The following ZC3H7A variants were observed in gnomAD, a reference collection of about 807,000 sequenced individuals.
ZC3H7A encodes zinc finger CCCH-type containing 7A.
Under a neutral mutation model 125.5 loss-of-function variants are expected in ZC3H7A, and 44 were observed. The observed-to-expected ratio is 0.35, with a 90% CI of 0.28 to 0.45. The LOEUF is 0.45. ZC3H7A is among the 20% of genes least tolerant of loss of function. ZC3H7A has a pLI of 1.00. For missense variants in ZC3H7A, 977 were observed against 1,170.7 expected (o/e 0.83, Z 2.41); for synonymous variants, 399 against 391.2 (o/e 1.02, Z -0.23).
At chr16:11,771,282 G>A (rs1340795518) in intron 9 of ZC3H7A, among the ~76,000 whole-genome samples, 1 of 151,908 alleles carries the variant, frequency 6.6e-6, no homozygotes, top group African/African-American at 2.4e-5. Flanking sequence ...CAGCTACTCA[G>A]GAGGCTGAGG....
chr16:11,790,349 C>T (rs954730544), intron 1 of ZC3H7A, among the ~76,000 whole-genome samples: 9 of 152,210 alleles, frequency 5.9e-5, no homozygotes, highest in African/African-American at 1.9e-4. Context: ...ATCATCTGTA[C>T]TTCCTTGTCT....
intron 19 of ZC3H7A, among the ~76,000 whole-genome samples, chr16:11,760,538 T>C (rs932771995): frequency 2.6e-5 from 4 of 152,182 alleles, no homozygotes; most frequent in Non-Finnish European, 4.4e-5. Flanking sequence ...TACATCTACC[T>C]CTTCTTCAAC....
In ZC3H7A at chr16:11,765,203, T is replaced by C. The variant is rs2052833972; in HGVS notation, c.1720-50A>G. Reference sequence around the variant, plus strand: ...CAAAAAAAATACAAAATATAAATTTTGTACCCAGAATATTGTCCTAGTTTC... The same window carrying C: ...CAAAAAAAATACAAAATATAAATTTCGTACCCAGAATATTGTCCTAGTTTC... On this transcript the variant is annotated intron_variant, in intron 14 of 22. Transcript: ENST00000355758. The surrounding 1 kb of genome is among the most constrained non-coding windows in gnomAD (Gnocchi z 4.8). 2 of 1,204,054 alleles carry C rather than the reference T, an allele frequency of 1.7e-6. No homozygotes were observed. Among genetic ancestry groups the C allele is most frequent in the South Asian group, 3.0e-5 (2 of 66,924 alleles). 74.6% of individuals were successfully genotyped at this position (1,204,054 alleles called of 1,614,324 possible).
intron 13 of ZC3H7A, among the ~76,000 whole-genome samples, chr16:11,766,281 T>C (rs2052855988): frequency 6.6e-6 from 1 of 152,194 alleles, no homozygotes; most frequent in African/African-American, 2.4e-5. Context: ...AATCTGGTCA[T>C]AGGCCAAGCG....
At chr16:11,779,065 A>G in intron 4 of ZC3H7A, 101 bp downstream of exon 4, 1 of 1,044,968 alleles carries the variant, frequency 9.6e-7, no homozygotes, top group Non-Finnish European at 1.4e-6. Flanking sequence ...AGGTAATATG[A>G]CTTTCTTAAA....
chr16:11,763,252 C>T (rs997250558), intron 16 of ZC3H7A: 5 of 336,112 alleles, frequency 1.5e-5, no homozygotes, highest in African/African-American at 6.4e-5. Context: ...GTATTACAGG[C>T]GCCCACCACC....
At chr16:11,754,870 C>T (rs1213204599) in intron 21 of ZC3H7A, among the ~76,000 whole-genome samples, 4 of 125,058 alleles carry the variant, frequency 3.2e-5, no homozygotes, top group African/African-American at 6.2e-5. Flanking sequence ...CGTGCCTGGG[C>T]GACAGAGCGA....
In ZC3H7A at chr16:11,758,463, C is replaced by G; in HGVS notation, c.2396G>C (p.Arg799Thr). ...NCSFAHSPEE[R>T]EVWTYMKENG... ...CTCCTTCATGTAAGTCCAAACTTCT[C>G]TTTCCTCAGGACTATGAGCAAAGGA... The change falls in exon 20 of 23, where the codon AGA becomes ACA. Residue 799 changes from arginine (R) to threonine (T), a missense_variant. Physicochemically the swap from Arg to Thr is moderately conservative, Grantham distance 71 (BLOSUM62 -1). This residue lies in a region of ZC3H7A where 436 missense variants were observed against 603.2 expected (regional missense o/e 0.72). Transcript: ENST00000355758. 1 of 1,613,878 alleles carries G rather than the reference C, an allele frequency of 6.2e-7. No homozygotes were observed. The highest frequency in any genetic ancestry group is 8.5e-7 in the Non-Finnish European group (1 of 1,179,772).
In ZC3H7A at chr16:11,751,081, C is replaced by G; in HGVS notation, c.*236G>C. Reference sequence around the variant, plus strand: ...AACACACTTCATCCAAAAGTCTGTTCAACAGATGGCAACCGGGTAGCAGTC... The same window carrying G: ...AACACACTTCATCCAAAAGTCTGTTGAACAGATGGCAACCGGGTAGCAGTC... On this transcript the variant is annotated 3_prime_UTR_variant, in exon 23 of 23. Coordinates refer to ENST00000355758, the MANE Select transcript of ZC3H7A (RefSeq NM_014153.4). 1 of 419,302 alleles carries G rather than the reference C, an allele frequency of 2.4e-6. No individual in the cohort carries two copies. Among genetic ancestry groups the G allele is most frequent in the South Asian group, 3.4e-5 (1 of 29,296 alleles). The allele number at this position is 419,302 out of a possible 1,614,324, so 26.0% of individuals were successfully genotyped here.
intron 22 of ZC3H7A, 73 bp downstream of exon 22, chr16:11,752,596 G>A: frequency 5.9e-6 from 9 of 1,535,274 alleles, no homozygotes; most frequent in South Asian, 2.5e-5. Flanking sequence ...CAGGTATTCC[G>A]TGTCAGCTGA....
chr16:11,776,359 C>G lies in ZC3H7A; in HGVS notation c.547-1G>C. 6.2e-7 allele frequency: 1 copy of G among 1,608,722 alleles called. No homozygotes were observed. Among genetic ancestry groups the G allele is most frequent in the Non-Finnish European group, 8.5e-7 (1 of 1,178,778 alleles). Reference sequence around the variant, plus strand: ...CCCCAGGAACTGATTTTAATGAGAGCTGAAATAAAATAAAGACACTAATTT... The same window carrying G: ...CCCCAGGAACTGATTTTAATGAGAGGTGAAATAAAATAAAGACACTAATTT... On this transcript the variant is annotated splice_acceptor_variant, in intron 6 of 22. Transcript: ENST00000355758. LOFTEE classifies it high-confidence loss of function.
chr16:11,782,575 C>A, intron 1 of ZC3H7A, 187 bp from the exon 2 acceptor site: 11 of 416,978 alleles, frequency 2.6e-5, no homozygotes, highest in South Asian at 4.4e-5. Context: ...TGGTCCGGCA[C>A]ACCATAAGCA....
rs909207075 is a variant in ZC3H7A, at chr16:11,774,225, C to G, written c.903+11G>C. On this transcript the variant is annotated intron_variant, in intron 9 of 22. Coordinates refer to ENST00000355758, the MANE Select transcript of ZC3H7A (RefSeq NM_014153.4). Reference sequence around the variant, plus strand: ...GTCTTCAGAAGAAACTTGAGTAACACTGAAACTTACCATAACAGTTTCATT... The same window carrying G: ...GTCTTCAGAAGAAACTTGAGTAACAGTGAAACTTACCATAACAGTTTCATT... The G allele has an allele frequency of 5.2e-6, 8 of 1,549,444 alleles. No individual in the cohort carries two copies. Among genetic ancestry groups the G allele is most frequent in the Non-Finnish European group, 7.0e-6 (8 of 1,144,260 alleles).
intron 7 of ZC3H7A, 111 bp from the exon 8 acceptor site, chr16:11,775,124 G>T: frequency 8.5e-7 from 1 of 1,175,972 alleles, no homozygotes; most frequent in Non-Finnish European, 1.2e-6. Flanking sequence ...TGTAATCCCA[G>T]CACCTGGGGA....
At chr16:11,792,752 GC>G (rs2141223724) in intron 1 of ZC3H7A, among the ~76,000 whole-genome samples, 1 of 152,334 alleles carries the variant, frequency 6.6e-6, no homozygotes, top group South Asian at 2.1e-4. Flanking sequence ...AAGGCAGACA[GC>G]CTGGCTCCAA....
Position 11,760,137 on chromosome 16 carries a change from A to AG in ZC3H7A, c.2319+1268_2319+1269insC, listed in dbSNP as rs1250974600. 2.7e-4 allele frequency among the ~76,000 whole-genome samples: 37 copies of AG among 137,724 alleles called. No individual in the cohort carries two copies. The South Asian group carries it at 3.4e-3, about 13-fold the overall frequency. The allele number at this position is 137,724 out of a possible 152,430, so 90.4% of individuals were successfully genotyped here. The stretch of plus-strand genomic sequence containing the variant: ...AAGAAAAAATGAAAAAAAAAAAAAA[A>AG]AAAAAAAAGAAAAAAAGTCCCTTAG... On this transcript the variant is annotated intron_variant, in intron 19 of 22. Coordinates refer to ENST00000355758, the MANE Select transcript of ZC3H7A (RefSeq NM_014153.4).
intron 1 of ZC3H7A, among the ~76,000 whole-genome samples, chr16:11,791,002 C>G (rs1392017842): frequency 6.6e-6 from 1 of 151,282 alleles, no homozygotes; most frequent in Non-Finnish European, 1.5e-5. Context: ...AAGCCCAGGT[C>G]TTCAAGGCTC....
chr16:11,786,729 C>T (rs1334759309), intron 1 of ZC3H7A, among the ~76,000 whole-genome samples: 1 of 152,028 alleles, frequency 6.6e-6, no homozygotes, highest in African/African-American at 2.4e-5. Flanking sequence ...TTTTAAGTTT[C>T]CCCAAAAACT....
chr16:11,757,108 A>AGATG (rs1263548617), intron 20 of ZC3H7A, among the ~76,000 whole-genome samples: 1 of 152,158 alleles, frequency 6.6e-6, no homozygotes, highest in African/African-American at 2.4e-5. Flanking sequence ...TCTGCCCACT[A>AGATG]GATGCCTGAG....
Sources: allele counts gnomAD v4.1 joint callset (sites outside exome capture counted in the v4.1 genomes callset), GRCh38; gene constraint gnomAD v4.1.1; regional missense constraint gnomAD v4.1.1; non-coding constraint Gnocchi (gnomAD v3.1); transcripts MANE v1.5; gene names NCBI Gene and HGNC (gene_info 2026-07-23, HGNC 2026-07-21).